Variants in PLPPR3 observed in about 807,000 individuals in gnomAD.
PLPPR3 encodes phospholipid phosphatase related 3.
Under a neutral mutation model 27.3 loss-of-function variants are expected in PLPPR3, and 14 were observed. The observed-to-expected ratio is 0.51, with a 90% CI of 0.34 to 0.80. The LOEUF is 0.80. Among genes scored for constraint, PLPPR3 ranks in the 30% least tolerant of loss-of-function variants. The pLI is 0.01. For synonymous variants in PLPPR3, 671 were observed against 508.0 expected (o/e 1.32, Z -4.32); for missense variants, 1,287 against 1,056.9 (o/e 1.22, Z -3.02).
chr19:819,703 AC>A (rs2035118120), intron 2 of PLPPR3, among the ~76,000 whole-genome samples: 1 of 152,166 alleles, frequency 6.6e-6, no homozygotes. Flanking sequence ...GTGTGAGGTA[AC>A]GGATTACAGG....
chr19:813,273 GGGA>G lies in PLPPR3; in HGVS notation c.1451_1453del (p.Leu484del), dbSNP rs1164438789. ...CAGCGGCGGCGGCCCCGCGCGCGGTGGGAGGATGACCCGAGGCCCCAGCCCCGG... is the reference window on the plus strand; with the variant it reads ...CAGCGGCGGCGGCCCCGCGCGCGGTGGGATGACCCGAGGCCCCAGCCCCGG... On this transcript the variant is annotated inframe_deletion, in exon 8 of 8. Transcript: ENST00000520876. This position sits in a 1 kb window ranked among gnomAD's most constrained non-coding sequence, Gnocchi z 4.1. The G allele has an allele frequency of 1.4e-6, 2 of 1,475,012 alleles. No individual in the cohort carries two copies. The highest frequency in any genetic ancestry group is 1.8e-6 in the Non-Finnish European group (2 of 1,123,428). 91.4% of individuals were successfully genotyped at this position (1,475,012 alleles called of 1,614,324 possible). A position where few individuals can be genotyped will look rare whatever the true frequency, so the allele number is the denominator to read the frequency against.
chr19:817,996 C>T (rs1430118371), intron 2 of PLPPR3, among the ~76,000 whole-genome samples: 1 of 152,110 alleles, frequency 6.6e-6, no homozygotes, highest in East Asian at 1.9e-4. Flanking sequence ...CTTGTTCTCT[C>T]CACTTTCATT....
rs1306385189 is a variant in PLPPR3, at chr19:813,115, G to C, written c.1612C>G (p.Gln538Glu). The C allele has an allele frequency of 6.7e-7, 1 of 1,502,724 alleles. No individual in the cohort carries two copies. The highest frequency in any genetic ancestry group is 8.8e-7 in the Non-Finnish European group (1 of 1,137,192). The allele number at this position is 1,502,724 out of a possible 1,614,324, so 93.1% of individuals were successfully genotyped here. A position where few individuals can be genotyped will look rare whatever the true frequency, so the allele number is the denominator to read the frequency against. The change falls in exon 8 of 8, where the codon CAG becomes GAG. Residue 538 changes from glutamine (Q) to glutamate (E), a missense_variant. Coordinates refer to ENST00000520876, the MANE Select transcript of PLPPR3 (RefSeq NM_001270366.2). This position sits in a 1 kb window ranked among gnomAD's most constrained non-coding sequence, Gnocchi z 4.1. ...AAVANPPRLL[Q>E]VIAMSKAPGA... is the part of the protein sequence containing the mutation. ...GGAGCCTTGGACATGGCGATGACCT[G>C]CAGCAGCCGCGGAGGGTTGGCCACT...
rs2034951862 is a variant in PLPPR3, at chr19:812,721, G to A, written c.2006C>T (p.Pro669Leu). 3 of 1,059,682 alleles carry A rather than the reference G, an allele frequency of 2.8e-6. No individual in the cohort carries two copies. The highest frequency in any genetic ancestry group is 2.3e-6 in the Non-Finnish European group (2 of 877,174). 65.6% of individuals were successfully genotyped at this position (1,059,682 alleles called of 1,614,324 possible). ...CAGCGCCCCATCGGCCGCGCCCAGC[G>A]GGGGCAGCCCCTCGCCCGTGGCCAG... ...VNLATGEGLPPLGAADGALGP... is the reference protein window; with the variant it reads ...VNLATGEGLPLLGAADGALGP... Residue 669 changes from proline (P) to leucine (L), a missense_variant, in exon 8 of 8, where the codon CCG becomes CTG. By Grantham distance (98) the Pro-to-Leu change is moderately conservative. Coordinates refer to ENST00000520876, the MANE Select transcript of PLPPR3 (RefSeq NM_001270366.2).
At chr19:814,022 C>G in intron 7 of PLPPR3, 127 bp from the exon 8 acceptor site, 2 of 892,082 alleles carry the variant, frequency 2.2e-6, no homozygotes, top group South Asian at 3.8e-5. Flanking sequence ...CCAGTGGGAC[C>G]GGTTCCCACC....
intron 2 of PLPPR3, among the ~76,000 whole-genome samples, chr19:818,423 G>A (rs951272947): frequency 2.0e-5 from 3 of 151,780 alleles, no homozygotes; most frequent in Non-Finnish European, 4.4e-5. Flanking sequence ...TAATAAGGCC[G>A]ACCGCAGTGG....
Position 813,992 on chromosome 19 carries a change from G to A in PLPPR3, c.832-97C>T, listed in dbSNP as rs1370050182. On this transcript the variant is annotated intron_variant, in intron 7 of 7. Coordinates refer to ENST00000520876, the MANE Select transcript of PLPPR3 (RefSeq NM_001270366.2). The surrounding 1 kb of genome is among the most constrained non-coding windows in gnomAD (Gnocchi z 4.1). ...CCGCGGGGGGCTCTGGACCGGGGGT[G>A]GGGGCTGGCAAGCTCTTGTCCAGTG... 8.2e-7 allele frequency: 1 copy of A among 1,217,542 alleles called. No individual in the cohort carries two copies. The highest frequency in any genetic ancestry group is 1.1e-6 in the Non-Finnish European group (1 of 915,326). The allele number at this position is 1,217,542 out of a possible 1,614,324, so 75.4% of individuals were successfully genotyped here.
chr19:813,561 G>C lies in PLPPR3; in HGVS notation c.1166C>G (p.Ala389Gly). ...CACGTGGATGGTCATGTGGCGGCGC[G>C]CGGGGTCGTCCAGCGAGGGCGCGCT... ...RASAPSLDDP[A>G]RRHMTIHVPL... Residue 389 changes from alanine (A) to glycine (G), a missense_variant, in exon 8 of 8, where the codon GCG (alanine) becomes GGG (glycine). Transcript: ENST00000520876. The surrounding 1 kb of genome is among the most constrained non-coding windows in gnomAD (Gnocchi z 4.1). 2 of 1,559,380 alleles carry C rather than the reference G, an allele frequency of 1.3e-6. No individual in the cohort carries two copies. Among genetic ancestry groups the C allele is most frequent in the Non-Finnish European group, 1.7e-6 (2 of 1,154,040 alleles).
chr19:812,970 TGC>T lies in PLPPR3; in HGVS notation c.1755_1756del (p.His586ArgfsTer?), dbSNP rs768668609. 6.7e-7 allele frequency: 1 copy of T among 1,483,594 alleles called. No homozygotes were observed. Among genetic ancestry groups the T allele is most frequent in the Non-Finnish European group, 8.9e-7 (1 of 1,122,988 alleles). The allele number at this position is 1,483,594 out of a possible 1,614,324, so 91.9% of individuals were successfully genotyped here. On this transcript the variant is annotated frameshift_variant, in exon 8 of 8. Coordinates refer to ENST00000520876, the MANE Select transcript of PLPPR3 (RefSeq NM_001270366.2). LOFTEE classifies it low-confidence loss of function (END_TRUNC). ...GTGCACCACGGGGTGGTGCGGCGCG[TGC>T]GCGTCGATGGTCACGATGCTGGCGG...
At chr19:817,323 G>C (rs2035077841) in intron 2 of PLPPR3, among the ~76,000 whole-genome samples, 1 of 151,972 alleles carries the variant, frequency 6.6e-6, no homozygotes, top group African/African-American at 2.4e-5. Context: ...ACGCAGCCTG[G>C]AGTGCAGTGG....
chr19:816,315 AAC>A (rs2035052609), intron 2 of PLPPR3, among the ~76,000 whole-genome samples: 1 of 131,054 alleles, frequency 7.6e-6, no homozygotes, highest in African/African-American at 3.0e-5. Context: ...CCACCCACCC[AAC>A]TGTCCATCCA....
Position 814,948 on chromosome 19 carries a change from G to C in PLPPR3, c.537C>G (p.Val179=). 6.2e-7 allele frequency: 1 copy of C among 1,612,504 alleles called. No homozygotes were observed. Among genetic ancestry groups the C allele is most frequent in the South Asian group, 1.1e-5 (1 of 91,092 alleles). The part of the protein sequence containing the change: ...NYTLLGTSCE[V]NPYITQDICS... ...AGATGTCCTGCGTGATGTAGGGGTT[G>C]ACCTCGCAGGACGTGCCCAGGAGAG... The change falls in exon 5 of 8, where the codon GTC becomes GTG. Residue 179 remains valine (V), a synonymous_variant. Coordinates refer to ENST00000520876, the MANE Select transcript of PLPPR3 (RefSeq NM_001270366.2).
intron 1 of PLPPR3, 58 bp downstream of exon 1, chr19:821,857 T>G: frequency 5.4e-5 from 14 of 258,842 alleles, no homozygotes; most frequent in East Asian, 2.1e-4. Context: ...CCGGGAGAAC[T>G]GGGGTTCCGG....
chr19:813,824 G>A lies in PLPPR3; in HGVS notation c.903C>T (p.Asp301=), dbSNP rs1289704186. 3.3e-6 allele frequency: 5 copies of A among 1,495,804 alleles called. No individual in the cohort carries two copies. The highest frequency in any genetic ancestry group is 5.1e-5 in the East Asian group (2 of 39,310). 92.7% of individuals were successfully genotyped at this position (1,495,804 alleles called of 1,614,324 possible). A position where few individuals can be genotyped will look rare whatever the true frequency, so the allele number is the denominator to read the frequency against. Residue 301 remains aspartate (D), a synonymous_variant, in exon 8 of 8, where the codon GAC becomes GAT. Coordinates refer to ENST00000520876, the MANE Select transcript of PLPPR3 (RefSeq NM_001270366.2). This position sits in a 1 kb window ranked among gnomAD's most constrained non-coding sequence, Gnocchi z 4.1. ...CCCGCTGCGTCAGGGCCCGCAGCGC[G>A]TCCTTGGCGGGGGCCGGGGCCGCGG... is the stretch of plus-strand genomic sequence containing the variant. ...EKPAAPAPAK[D]ALRALTQRGH...
intron 2 of PLPPR3, among the ~76,000 whole-genome samples, chr19:820,923 C>T (rs1394922348): frequency 2.0e-5 from 3 of 152,148 alleles, no homozygotes; most frequent in Non-Finnish European, 2.9e-5. Context: ...TCCCAAAGTG[C>T]TGGGATTACA....
Position 821,573 on chromosome 19 carries a change from C to T in PLPPR3, c.-14G>A. On this transcript the variant is annotated 5_prime_UTR_variant, in exon 2 of 8. Transcript: ENST00000520876. ...GGTGGAGATCATGGTGCCGCGGGCG[C>T]CGCAGGCCGTGGCTGGAGGGGAGAA... 6.8e-7 allele frequency: 1 copy of T among 1,474,708 alleles called. No individual in the cohort carries two copies. Among genetic ancestry groups the T allele is most frequent in the Non-Finnish European group, 9.1e-7 (1 of 1,104,854 alleles). The allele number at this position is 1,474,708 out of a possible 1,614,324, so 91.4% of individuals were successfully genotyped here.
At chr19:822,811 CG>C (rs1234384073), upstream of PLPPR3, among the ~76,000 whole-genome samples, 6 of 152,318 alleles carry the variant, frequency 3.9e-5, no homozygotes, top group African/African-American at 1.4e-4. Context: ...GGGCCCCAAA[CG>C]GCAGGATTTA....
At chr19:819,525 G>A (rs1272840477) in intron 2 of PLPPR3, among the ~76,000 whole-genome samples, 2 of 151,464 alleles carry the variant, frequency 1.3e-5, no homozygotes, top group African/African-American at 2.4e-5. Context: ...CCTGACCTTA[G>A]GTGATCCGCC....
chr19:822,002 G>A (rs2035156414), upstream of PLPPR3: 1 of 152,856 alleles, frequency 6.5e-6, no homozygotes, highest in Non-Finnish European at 1.5e-5. Flanking sequence ...GGGGAGGGGA[G>A]GGTCCGGCCC....
Sources: allele counts gnomAD v4.1 joint callset (sites outside exome capture counted in the v4.1 genomes callset), GRCh38; gene constraint gnomAD v4.1.1; non-coding constraint Gnocchi (gnomAD v3.1); transcripts MANE v1.5; gene names NCBI Gene and HGNC (gene_info 2026-07-23, HGNC 2026-07-21).